Variants in DENND1A observed in about 807,000 individuals in gnomAD.
The protein encoded by DENND1A is DENN domain containing 1A.
Under a neutral mutation model 113.7 loss-of-function variants are expected in DENND1A, and 51 were observed. The observed-to-expected ratio is 0.45, with a 90% CI of 0.36 to 0.57. DENND1A has a LOEUF of 0.57. Among genes scored for constraint, DENND1A ranks in the 20% least tolerant of loss-of-function variants. The pLI, the probability that DENND1A is intolerant of heterozygous loss-of-function variation, is 0.00. For synonymous variants in DENND1A, 565 were observed against 570.8 expected (o/e 0.99, Z 0.14); for missense variants, 1,258 against 1,395.9 (o/e 0.90, Z 1.57).
chr9:123,473,933 C>T (rs1272908666), intron 13 of DENND1A, among the ~76,000 whole-genome samples: 1 of 151,688 alleles, frequency 6.6e-6, no homozygotes, highest in African/African-American at 2.4e-5. Context: ...TGCACTCAGC[C>T]TCTCCAAGCT....
chr9:123,792,485 T>C, intron 3 of DENND1A, 102 bp downstream of exon 3: 3 of 1,270,788 alleles, frequency 2.4e-6, no homozygotes, highest in Non-Finnish European at 3.3e-6. Flanking sequence ...TCTTCCCTTC[T>C]AAAAATTCAT....
At chr9:123,497,847 T>C (rs1260527763) in intron 13 of DENND1A, among the ~76,000 whole-genome samples, 2 of 151,076 alleles carry the variant, frequency 1.3e-5, no homozygotes, top group Non-Finnish European at 2.9e-5. Context: ...AATCTATCAT[T>C]CTACTCCTCA....
intron 2 of DENND1A, chr9:123,843,467 T>TACA (rs1312340133): frequency 3.3e-6 from 1 of 303,096 alleles, no homozygotes; most frequent in African/African-American, 2.2e-5. Flanking sequence ...GAAATGGTGT[T>TACA]ACAGCCATTT....
At chr9:123,674,966 G>A (rs1256824025) in intron 6 of DENND1A, among the ~76,000 whole-genome samples, 1 of 151,692 alleles carries the variant, frequency 6.6e-6, no homozygotes, top group South Asian at 2.1e-4. Flanking sequence ...TCAAATTTGA[G>A]TGAAAACCTG....
chr9:123,675,000 G>C (rs2063984349), intron 6 of DENND1A, among the ~76,000 whole-genome samples: 1 of 152,116 alleles, frequency 6.6e-6, no homozygotes, highest in African/African-American at 2.4e-5. Context: ...AGGTAACTGT[G>C]AATCAGAAAT....
chr9:123,520,258 A>G (rs2054288298), intron 13 of DENND1A, among the ~76,000 whole-genome samples: 1 of 151,808 alleles, frequency 6.6e-6, no homozygotes, highest in African/African-American at 2.4e-5. Flanking sequence ...GGAGTTCAAG[A>G]CCAGCCTGGC....
intron 13 of DENND1A, among the ~76,000 whole-genome samples, chr9:123,470,269 G>A (rs1054105914): frequency 1.3e-5 from 2 of 151,934 alleles, no homozygotes; most frequent in Non-Finnish European, 2.9e-5. Flanking sequence ...CCCCTGTGCT[G>A]CCGCAGAGCT....
chr9:123,840,082 T>C (rs1479659285), intron 2 of DENND1A, among the ~76,000 whole-genome samples: 2 of 141,454 alleles, frequency 1.4e-5, no homozygotes, highest in South Asian at 2.1e-4. Context: ...AGTGTTTTTG[T>C]CTATTTTTTT....
At chr9:123,731,889 A>C (rs139940409) in intron 5 of DENND1A, among the ~76,000 whole-genome samples, 12 of 152,366 alleles carry the variant, frequency 7.9e-5, no homozygotes, top group Admixed American at 3.9e-4. Context: ...TAAGGAAACA[A>C]ATCAATTTTT....
chr9:123,440,650 T>C (rs2046862587), intron 18 of DENND1A, among the ~76,000 whole-genome samples, 159 bp from the exon 19 acceptor site: 1 of 152,254 alleles, frequency 6.6e-6, no homozygotes, highest in Non-Finnish European at 1.5e-5. Flanking sequence ...ACTTGGCTCT[T>C]TGACTTTTAA....
At position 123,403,430 on chromosome 9, in the gene DENND1A, G is replaced by A. The variant is rs753427804; in HGVS notation, c.1603C>T (p.Arg535Trp). The A allele has an allele frequency of 3.1e-6, 5 of 1,614,168 alleles. No individual in the cohort carries two copies. The highest frequency in any genetic ancestry group is 2.2e-5 in the East Asian group (1 of 44,884). Residue 535 changes from arginine (R) to tryptophan (W), a missense_variant, in exon 21 of 24, where the codon CGG becomes TGG. By Grantham distance (101) the Arg-to-Trp change is moderately radical (BLOSUM62 -3). Coordinates refer to ENST00000394215, the MANE Select transcript of DENND1A (RefSeq NM_001352964.2). ...RPKSNIAVEG[R>W]RTSVPSPEHL... is the part of the protein sequence containing the mutation. ...TCAGGGCTCGGCACAGACGTCCTCCGGCCTTCCACTGCGATGTTGCTCTTT... is the reference window on the plus strand; with the variant it reads ...TCAGGGCTCGGCACAGACGTCCTCCAGCCTTCCACTGCGATGTTGCTCTTT...
At chr9:123,709,467 T>C (rs1327749943) in intron 5 of DENND1A, among the ~76,000 whole-genome samples, 1 of 152,204 alleles carries the variant, frequency 6.6e-6, no homozygotes, top group Non-Finnish European at 1.5e-5. Context: ...TTGGCACTGA[T>C]TCTGCTTTGG....
chr9:123,850,662 T>A (rs1843212822), intron 2 of DENND1A, among the ~76,000 whole-genome samples: 1 of 152,188 alleles, frequency 6.6e-6, no homozygotes, highest in South Asian at 2.1e-4. Flanking sequence ...TTGGACAGAT[T>A]ACATAAGCTC....
At chr9:123,836,268 T>C (rs543892982) in intron 2 of DENND1A, among the ~76,000 whole-genome samples, 1 of 152,292 alleles carries the variant, frequency 6.6e-6, no homozygotes, top group East Asian at 1.9e-4. Flanking sequence ...TTGTGCACTT[T>C]CATAAAATAA....
At chr9:123,665,833 A>T (rs754989889) in intron 8 of DENND1A, among the ~76,000 whole-genome samples, 3 of 152,228 alleles carry the variant, frequency 2.0e-5, no homozygotes, top group Non-Finnish European at 4.4e-5. Flanking sequence ...ACAGATACGC[A>T]AAATGTGGTC....
chr9:123,810,758 C>CT lies in DENND1A; in HGVS notation c.89-18129dup, dbSNP rs570849433. Among the ~76,000 whole-genome samples, 549 of 131,160 alleles carry CT rather than the reference C, an allele frequency of 4.2e-3. 2 individuals carry two copies. Among genetic ancestry groups the CT allele is most frequent in the East Asian group, 6.8e-3 (32 of 4,734 alleles). 86.0% of individuals were successfully genotyped at this position (131,160 alleles called of 152,430 possible). A position where few individuals can be genotyped will look rare whatever the true frequency, so the allele number is the denominator to read the frequency against. On this transcript the variant is annotated intron_variant, in intron 2 of 23. Transcript: ENST00000394215. ...AACATTTCAATTTGAACTTAAATCCCTTTTTTTTTTTTTTTTTGAGATGAA... is the reference window on the plus strand; with the variant it reads ...AACATTTCAATTTGAACTTAAATCCCTTTTTTTTTTTTTTTTTTGAGATGAA...
At chr9:123,587,747 A>G (rs1375196073) in intron 11 of DENND1A, among the ~76,000 whole-genome samples, 1 of 152,200 alleles carries the variant, frequency 6.6e-6, no homozygotes, top group Non-Finnish European at 1.5e-5. Flanking sequence ...GTCTTTACAC[A>G]ATCCTGCATG....
intron 8 of DENND1A, among the ~76,000 whole-genome samples, chr9:123,662,772 T>C (rs1397315376): frequency 6.6e-6 from 1 of 152,176 alleles, no homozygotes; most frequent in Non-Finnish European, 1.5e-5. Context: ...AGTATGCTCA[T>C]TAAAATGTAA....
chr9:123,395,468 C>CTCTGTGTGTGTGTGTGTGTGTGTGTGTG, intron 21 of DENND1A, among the ~76,000 whole-genome samples: 1 of 142,984 alleles, frequency 7.0e-6, no homozygotes, highest in African/African-American at 2.7e-5. Flanking sequence ...CTCTCTCTCT[C>CTCTGTGTGTGTGTGTGTGTGTGTGTGTG]TGTGTGTGTG....
Sources: gnomAD v4.1 joint callset for allele counts (sites outside exome capture counted in the v4.1 genomes callset) on GRCh38, gnomAD v4.1.1 for gene constraint, MANE v1.5 for transcripts, NCBI Gene and HGNC (gene_info 2026-07-23, HGNC 2026-07-21) for gene names.